LOC400499: variants seen among roughly 807,000 people sequenced by gnomAD.
the LOC400499 span, among the ~76,000 whole-genome samples, chr16:11,377,089 G>A: frequency 6.6e-6 from 1 of 152,120 alleles, no homozygotes; most frequent in African/African-American, 2.4e-5. Context: ...AAGTAGCTGA[G>A]ACTATAGGCG....
At chr16:11,380,675 A>C in the LOC400499 span, among the ~76,000 whole-genome samples, 7 of 151,168 alleles carry the variant, frequency 4.6e-5, no homozygotes, top group African/African-American at 1.7e-4. Context: ...TCTGGTGTCC[A>C]AGAGGGGAAT....
the LOC400499 span, among the ~76,000 whole-genome samples, chr16:11,484,186 C>G: frequency 1.3e-5 from 2 of 151,250 alleles, no homozygotes; most frequent in South Asian, 2.1e-4. Context: ...TTTTTGTATT[C>G]TTAGTAGAGA....
At chr16:11,425,252 C>G in the LOC400499 span, 2 of 398,900 alleles carry the variant, frequency 5.0e-6, no homozygotes, top group East Asian at 7.1e-5. Context: ...CCTGGGCCCT[C>G]AGGTTCCTCG....
At chr16:11,382,919 C>G in the LOC400499 span, among the ~76,000 whole-genome samples, 2 of 147,298 alleles carry the variant, frequency 1.4e-5, no homozygotes, top group African/African-American at 2.6e-5. Flanking sequence ...AAAGGAGCAC[C>G]TGAGGCTGGG....
At chr16:11,409,345 C>G in the LOC400499 span, among the ~76,000 whole-genome samples, 1 of 152,112 alleles carries the variant, frequency 6.6e-6, no homozygotes, top group Admixed American at 6.5e-5. Flanking sequence ...TATTCTAGAT[C>G]AGGAGTTGGC....
chr16:11,418,113 G>C, the LOC400499 span, among the ~76,000 whole-genome samples: 1 of 152,186 alleles, frequency 6.6e-6, no homozygotes, highest in African/African-American at 2.4e-5. Context: ...AAGATGGCTG[G>C]AGAAAGACTT....
the LOC400499 span, among the ~76,000 whole-genome samples, chr16:11,479,590 T>G: frequency 5.4e-4 from 82 of 151,984 alleles, no homozygotes; most frequent in Non-Finnish European, 1.0e-3. Context: ...GCCACTATAC[T>G]CCAGCCTGGA....
chr16:11,520,216 A>G, the LOC400499 span, among the ~76,000 whole-genome samples: 1 of 152,198 alleles, frequency 6.6e-6, no homozygotes. Flanking sequence ...TGAATCATAG[A>G]CTTAAGATGG....
the LOC400499 span, chr16:11,383,915 G>T: frequency 3.2e-6 from 4 of 1,231,950 alleles, no homozygotes; most frequent in Non-Finnish European, 4.0e-6. Flanking sequence ...AAGCTGGAGT[G>T]GGGGCCCTCG....
the LOC400499 span, among the ~76,000 whole-genome samples, chr16:11,480,345 C>T: frequency 2.6e-5 from 4 of 152,338 alleles, no homozygotes; most frequent in East Asian, 7.7e-4. Flanking sequence ...CTTTTAACAG[C>T]AAGGATTATT....
the LOC400499 span, among the ~76,000 whole-genome samples, chr16:11,473,538 C>T: frequency 3.4e-3 from 523 of 152,082 alleles, 5 homozygotes; most frequent in African/African-American, 0.012. Flanking sequence ...GCGGATCACC[C>T]GAGGTCAGGA....
chr16:11,421,291 T>C, the LOC400499 span, among the ~76,000 whole-genome samples: 1 of 152,178 alleles, frequency 6.6e-6, no homozygotes, highest in Non-Finnish European at 1.5e-5. Context: ...CTCCCTGGAC[T>C]TTCCCCCCAG....
At chr16:11,474,410 A>G in the LOC400499 span, among the ~76,000 whole-genome samples, 3 of 152,174 alleles carry the variant, frequency 2.0e-5, no homozygotes, top group African/African-American at 2.4e-5. Context: ...ATAATTAGCC[A>G]TTTTGCCTAC....
the LOC400499 span, chr16:11,383,921 C>T: frequency 2.3e-5 from 28 of 1,231,828 alleles, no homozygotes; most frequent in Admixed American, 8.9e-4. Flanking sequence ...GAGTGGGGGC[C>T]CTCGAAGAAG....
the LOC400499 span, among the ~76,000 whole-genome samples, chr16:11,502,651 GTTGCCC>G: frequency 7.0e-6 from 1 of 143,228 alleles, no homozygotes; most frequent in South Asian, 2.2e-4. Flanking sequence ...GTCTCACTCT[GTTGCCC>G]AGGCTACAGG....
the LOC400499 span, chr16:11,390,206 G>A: frequency 5.7e-6 from 7 of 1,232,394 alleles, no homozygotes; most frequent in Non-Finnish European, 7.1e-6. Context: ...GGGCGGCCTG[G>A]AGAGGGAGGG....
chr16:11,480,396 T>C, the LOC400499 span, among the ~76,000 whole-genome samples: 1 of 152,204 alleles, frequency 6.6e-6, no homozygotes, highest in Admixed American at 6.5e-5. Flanking sequence ...GGGTTCACCC[T>C]TGGTGGTTAG....
chr16:11,457,042 GGA>G, the LOC400499 span: 1 of 1,515,340 alleles, frequency 6.6e-7, no homozygotes. Flanking sequence ...AGCACAAACT[GGA>G]GAATGCCCAC....
At chr16:11,473,284 T>C in the LOC400499 span, 1 of 150,954 alleles carries the variant, frequency 6.6e-6, no homozygotes, top group East Asian at 1.9e-4. Context: ...AAAAGAAACA[T>C]TATCAAGAAG....
Sources: allele counts gnomAD v4.1 joint callset (sites outside exome capture counted in the v4.1 genomes callset), GRCh38; gene constraint gnomAD v4.1.1; transcripts MANE v1.5.